Variants in EPHB1 observed in about 807,000 individuals in gnomAD.
EPHB1 encodes the protein EPH receptor B1.
A neutral mutation model predicts 94.4 loss-of-function variants in EPHB1; 30 were observed. The observed-to-expected ratio is 0.32, with a 90% CI of 0.24 to 0.43. The LOEUF (loss-of-function observed/expected upper bound fraction) is 0.43, where lower values mean the gene tolerates loss of function less well. EPHB1 is among the 20% of genes least tolerant of loss of function. EPHB1 has a pLI of 1.00. For missense variants in EPHB1, 1,055 were observed against 1,308.3 expected (o/e 0.81, Z 2.99); for synonymous variants, 522 against 489.1 (o/e 1.07, Z -0.89).
chr3:135,208,224 T>C (rs1045399088), intron 12 of EPHB1, among the ~76,000 whole-genome samples: 1 of 151,906 alleles, frequency 6.6e-6, no homozygotes, highest in African/African-American at 2.4e-5. Context: ...CAGTCCATCA[T>C]GTAGGATCTT....
intron 3 of EPHB1, among the ~76,000 whole-genome samples, chr3:135,096,549 A>G (rs1244724634): frequency 1.3e-5 from 2 of 152,334 alleles, no homozygotes; most frequent in East Asian, 3.9e-4. Context: ...GCTGTAACAA[A>G]CACTGGGTGG....
intron 3 of EPHB1, among the ~76,000 whole-genome samples, chr3:134,953,095 T>C (rs1933103797): frequency 6.6e-6 from 1 of 152,200 alleles, no homozygotes; most frequent in Non-Finnish European, 1.5e-5. Flanking sequence ...TTGGGGGCTG[T>C]ATCAGCAACT....
chr3:134,933,902 T>C (rs2038951685), intron 2 of EPHB1, among the ~76,000 whole-genome samples: 1 of 152,136 alleles, frequency 6.6e-6, no homozygotes, highest in Non-Finnish European at 1.5e-5. Context: ...TGGTGTCCTT[T>C]CTCTGAGCTG....
chr3:134,802,676 C>G (rs1025907546), intron 1 of EPHB1, among the ~76,000 whole-genome samples: 1 of 152,196 alleles, frequency 6.6e-6, no homozygotes, highest in Non-Finnish European at 1.5e-5. Flanking sequence ...CCCACTGGTA[C>G]CATGTAGCAT....
At chr3:134,911,583 T>G (rs1477201447) in intron 1 of EPHB1, among the ~76,000 whole-genome samples, 1 of 151,988 alleles carries the variant, frequency 6.6e-6, no homozygotes, top group Non-Finnish European at 1.5e-5. Flanking sequence ...GGTCTTGAAC[T>G]GGAGAGGTGG....
intron 3 of EPHB1, among the ~76,000 whole-genome samples, chr3:135,071,917 A>G (rs1937730380): frequency 6.6e-6 from 1 of 152,152 alleles, no homozygotes; most frequent in African/African-American, 2.4e-5. Flanking sequence ...GAATGAAGAA[A>G]AGTTAGGCCA....
At chr3:134,978,595 T>G (rs1028572966) in intron 3 of EPHB1, among the ~76,000 whole-genome samples, 4 of 152,220 alleles carry the variant, frequency 2.6e-5, no homozygotes, top group Non-Finnish European at 5.9e-5. Flanking sequence ...TTCCTTTCAG[T>G]TGGCACAACT....
rs570771687 is a variant in EPHB1 at position 134,877,337 on chromosome 3, G to A, written c.59-48479G>A. On this transcript the variant is annotated intron_variant, in intron 1 of 15. Transcript: ENST00000398015. ...AATAGCACAATATTGTAGGCGCTGGGCCCTTCCCTGTTATTTTGGGAAGGA... is the reference window on the plus strand; with the variant it reads ...AATAGCACAATATTGTAGGCGCTGGACCCTTCCCTGTTATTTTGGGAAGGA... Among the ~76,000 whole-genome samples the A allele has an allele frequency of 3.3e-5, 5 of 152,296 alleles. No individual in the cohort carries two copies. The East Asian group carries it at 9.7e-4, about 29-fold the overall frequency.
chr3:135,162,275 C>A, intron 7 of EPHB1, 95 bp downstream of exon 7: 2 of 1,340,932 alleles, frequency 1.5e-6, no homozygotes, highest in Admixed American at 2.6e-5. Flanking sequence ...AAATGCTGAT[C>A]TCCAACTGGA....
chr3:135,157,662 A>T (rs926918363), intron 6 of EPHB1, among the ~76,000 whole-genome samples: 1 of 152,260 alleles, frequency 6.6e-6, no homozygotes, highest in African/African-American at 2.4e-5. Flanking sequence ...TTGGTATACG[A>T]CTGTGGAATG....
At chr3:135,088,217 T>G (rs6439554) in intron 3 of EPHB1, among the ~76,000 whole-genome samples, 11 of 152,102 alleles carry the variant, frequency 7.2e-5, no homozygotes, top group Non-Finnish European at 1.6e-4. Context: ...CCCCACCCCC[T>G]TAGATAACTT....
chr3:135,052,907 A>G (rs868430435), intron 3 of EPHB1, among the ~76,000 whole-genome samples: 16 of 98,380 alleles, frequency 1.6e-4, no homozygotes, highest in African/African-American at 8.4e-4. Flanking sequence ...ATATATATAT[A>G]TATGTGTGTG....
At chr3:134,882,161 A>G (rs2037744268) in intron 1 of EPHB1, among the ~76,000 whole-genome samples, 1 of 152,238 alleles carries the variant, frequency 6.6e-6, no homozygotes, top group Non-Finnish European at 1.5e-5. Flanking sequence ...TACTGGCGCA[A>G]TTAATCATAG....
intron 3 of EPHB1, among the ~76,000 whole-genome samples, chr3:135,050,468 C>T (rs1937138230): frequency 6.6e-6 from 1 of 152,154 alleles, no homozygotes; most frequent in Non-Finnish European, 1.5e-5. Context: ...TGGGCATTGT[C>T]TTCCTGGTGC....
At chr3:135,183,990 C>G (rs1942262565) in intron 10 of EPHB1, among the ~76,000 whole-genome samples, 1 of 152,150 alleles carries the variant, frequency 6.6e-6, no homozygotes, top group Non-Finnish European at 1.5e-5. Flanking sequence ...ATCGCTAAAA[C>G]CTTGGAGGTG....
At chr3:135,009,705 A>G (rs1377743227) in intron 3 of EPHB1, among the ~76,000 whole-genome samples, 1 of 152,216 alleles carries the variant, frequency 6.6e-6, no homozygotes, top group Non-Finnish European at 1.5e-5. Flanking sequence ...GGAGCAGGTC[A>G]CATTTTAGGC....
chr3:135,054,040 T>TATATATATATAC (rs377064799), intron 3 of EPHB1, among the ~76,000 whole-genome samples: 38 of 139,874 alleles, frequency 2.7e-4, no homozygotes, highest in African/African-American at 9.6e-4. Flanking sequence ...TATATATATA[T>TATATATATATAC]ACACACACAC....
intron 1 of EPHB1, among the ~76,000 whole-genome samples, chr3:134,900,897 A>G (rs2038186921): frequency 6.6e-6 from 1 of 152,190 alleles, no homozygotes; most frequent in African/African-American, 2.4e-5. Context: ...AGACACATTT[A>G]TGTCCTCACA....
intron 4 of EPHB1, among the ~76,000 whole-genome samples, chr3:135,116,583 C>T (rs865856604): frequency 4.6e-5 from 7 of 152,210 alleles, no homozygotes; most frequent in African/African-American, 1.7e-4. Flanking sequence ...AGAGTCACCA[C>T]TGCCAGTCAG....
Sources: gnomAD v4.1 joint callset for allele counts (sites outside exome capture counted in the v4.1 genomes callset) on GRCh38, gnomAD v4.1.1 for gene constraint, MANE v1.5 for transcripts, NCBI Gene and HGNC (gene_info 2026-07-23, HGNC 2026-07-21) for gene names.